ADAMTS6: variants seen among roughly 807,000 people sequenced by gnomAD.
ADAMTS6 encodes A disintegrin and metalloproteinase with thrombospondin motifs 6.
In ADAMTS6, 23 loss-of-function variants were observed where a neutral mutation model predicts 144.3. The ratio of observed to expected loss-of-function variants is 0.16; its 90% CI spans 0.11 to 0.23. The LOEUF (loss-of-function observed/expected upper bound fraction) is 0.23, where lower values mean the gene tolerates loss of function less well. Ranked by LOEUF, ADAMTS6 falls within the 10% of genes least tolerant of loss-of-function variation. ADAMTS6 has a pLI of 1.00. For synonymous variants in ADAMTS6, 444 were observed against 457.5 expected, an observed-to-expected ratio of 0.97 and a Z score of 0.38; for missense variants, 999 against 1,379.6, an observed-to-expected ratio of 0.72 and a Z score of 4.37.
At chr5:65,201,516 T>G (rs893651193) in intron 20 of ADAMTS6, among the ~76,000 whole-genome samples, 2 of 152,108 alleles carry the variant, frequency 1.3e-5, no homozygotes, top group African/African-American at 4.8e-5. Context: ...GAAGGATGGG[T>G]CGGGGGTGGT....
Position 65,164,459 on chromosome 5 carries a change from C to T in ADAMTS6, c.3244+6158G>A, listed in dbSNP as rs1240710764. Reference sequence around the variant, plus strand: ...GGCGGCAGCGAGGCTGGGGGAGGGGCGCCCGCCATTGCCCAGGCTTGCTTA... The same window carrying T: ...GGCGGCAGCGAGGCTGGGGGAGGGGTGCCCGCCATTGCCCAGGCTTGCTTA... On this transcript the variant is annotated intron_variant, in intron 24 of 24. Transcript: ENST00000381055. Among the ~76,000 whole-genome samples the T allele has an allele frequency of 1.4e-4, 20 of 140,828 alleles. 1 individual carries two copies. The East Asian group carries it at 1.4e-3, about 10-fold the overall frequency. The allele number at this position is 140,828 out of a possible 152,430, so 92.4% of individuals were successfully genotyped here.
intron 7 of ADAMTS6, among the ~76,000 whole-genome samples, chr5:65,437,259 T>A (rs1757509764): frequency 6.6e-6 from 1 of 151,962 alleles, no homozygotes; most frequent in Admixed American, 6.6e-5. Context: ...CACGCCCAGA[T>A]AATTTTTTGC....
chr5:65,180,041 T>C (rs1331813618), intron 22 of ADAMTS6, among the ~76,000 whole-genome samples: 1 of 152,106 alleles, frequency 6.6e-6, no homozygotes, highest in East Asian at 1.9e-4. Flanking sequence ...TGCTCTTCTT[T>C]ATCTGGAAAG....
At chr5:65,406,478 T>C (rs919403170) in intron 7 of ADAMTS6, among the ~76,000 whole-genome samples, 4 of 152,212 alleles carry the variant, frequency 2.6e-5, no homozygotes, top group African/African-American at 9.6e-5. Context: ...AAACAAGCCT[T>C]GCATCCCAGG....
At chr5:65,395,303 G>C (rs1051766116) in intron 7 of ADAMTS6, among the ~76,000 whole-genome samples, 2 of 152,078 alleles carry the variant, frequency 1.3e-5, no homozygotes, top group Non-Finnish European at 2.9e-5. Context: ...ACTATCCCAA[G>C]GACTAGTCTC....
chr5:65,309,345 G>A (rs1480959747), intron 9 of ADAMTS6, among the ~76,000 whole-genome samples: 2 of 151,726 alleles, frequency 1.3e-5, no homozygotes, highest in Non-Finnish European at 2.9e-5. Flanking sequence ...GAAAGAGTGG[G>A]CAATTAAGAA....
Position 65,436,219 on chromosome 5 carries a change from T to TAC in ADAMTS6, c.1073+15254_1073+15255dup, listed in dbSNP as rs547221276. Among the ~76,000 whole-genome samples, 537 of 150,918 alleles carry TAC rather than the reference T, an allele frequency of 3.6e-3. 15 individuals are homozygous for TAC. Among genetic ancestry groups the TAC allele is most frequent in the Admixed American group, 0.025 (375 of 15,122 alleles). ...CCTAAACAACATAGACCCCCATCTCTACACACACACACACGCATGCACACA... is the reference window on the plus strand; with the variant it reads ...CCTAAACAACATAGACCCCCATCTCTACACACACACACACACGCATGCACACA... On this transcript the variant is annotated intron_variant, in intron 7 of 24. Coordinates refer to ENST00000381055, the MANE Select transcript of ADAMTS6 (RefSeq NM_197941.4).
At chr5:65,285,093 C>T (rs994693353) in intron 11 of ADAMTS6, among the ~76,000 whole-genome samples, 1 of 152,064 alleles carries the variant, frequency 6.6e-6, no homozygotes, top group Non-Finnish European at 1.5e-5. Context: ...TTTATAAAAG[C>T]CTTTAATTTT....
At chr5:65,226,296 A>C in intron 15 of ADAMTS6, 77 bp from the exon 16 acceptor site, 1 of 1,458,286 alleles carries the variant, frequency 6.9e-7, no homozygotes, top group South Asian at 1.4e-5. Flanking sequence ...TCTATGGCAA[A>C]TTTATAATTC....
chr5:65,460,103 T>G lies in ADAMTS6; in HGVS notation c.631+67A>C, dbSNP rs956918365. The G allele has an allele frequency of 3.9e-6, 6 of 1,538,428 alleles. No individual in the cohort carries two copies. In the South Asian group the frequency reaches 6.4e-5, roughly 16 times the overall value. On this transcript the variant is annotated intron_variant, in intron 4 of 24. Coordinates refer to ENST00000381055, the MANE Select transcript of ADAMTS6 (RefSeq NM_197941.4). ...CCTTTTATTGCTAACCTTACTATACTTGCCAGAAGAAAGAAAAAGCAGCAA... is the reference window on the plus strand; with the variant it reads ...CCTTTTATTGCTAACCTTACTATACGTGCCAGAAGAAAGAAAAAGCAGCAA...
chr5:65,189,224 G>C (rs1023382920), intron 21 of ADAMTS6, among the ~76,000 whole-genome samples: 1 of 152,148 alleles, frequency 6.6e-6, no homozygotes, highest in African/African-American at 2.4e-5. Context: ...CAGGGGGTTT[G>C]TGGTTTGTTT....
At chr5:65,309,149 G>A (rs916708639) in intron 9 of ADAMTS6, among the ~76,000 whole-genome samples, 2 of 152,094 alleles carry the variant, frequency 1.3e-5, no homozygotes, top group African/African-American at 4.8e-5. Context: ...CAGGGTGATT[G>A]AAGCACATTG....
intron 14 of ADAMTS6, among the ~76,000 whole-genome samples, chr5:65,247,391 A>G (rs551651522): frequency 8.5e-5 from 13 of 152,328 alleles, no homozygotes; most frequent in Non-Finnish European, 1.8e-4. Context: ...GTTGCTACAG[A>G]AAGAAATCTA....
intron 9 of ADAMTS6, among the ~76,000 whole-genome samples, chr5:65,324,711 A>G (rs569150905): frequency 6.6e-6 from 1 of 152,234 alleles, no homozygotes; most frequent in Non-Finnish European, 1.5e-5. Flanking sequence ...CCAGTTTTTT[A>G]AAGTGGGAAA....
At chr5:65,290,779 A>C (rs1228063960) in intron 11 of ADAMTS6, among the ~76,000 whole-genome samples, 1 of 152,186 alleles carries the variant, frequency 6.6e-6, no homozygotes, top group Non-Finnish European at 1.5e-5. Flanking sequence ...AGACATGCAG[A>C]ATAAATTATG....
At chr5:65,373,631 A>G (rs1382590468) in intron 7 of ADAMTS6, among the ~76,000 whole-genome samples, 2 of 152,152 alleles carry the variant, frequency 1.3e-5, no homozygotes, top group African/African-American at 2.4e-5. Context: ...TTACCAACCA[A>G]AAAGAGTCCA....
intron 23 of ADAMTS6, among the ~76,000 whole-genome samples, chr5:65,171,187 T>G (rs1368750082): frequency 1.3e-5 from 2 of 152,066 alleles, no homozygotes; most frequent in Non-Finnish European, 2.9e-5. Flanking sequence ...TTTTTTGTAT[T>G]TTTAGTAGAG....
At chr5:65,452,635 C>G (rs1758844214) in intron 5 of ADAMTS6, 72 bp downstream of exon 5, 2 of 1,524,114 alleles carry the variant, frequency 1.3e-6, no homozygotes, top group Non-Finnish European at 1.8e-6. Flanking sequence ...TACTTCACAG[C>G]AAAAATTTAT....
At chr5:65,243,243 A>G (rs1325878868) in intron 14 of ADAMTS6, among the ~76,000 whole-genome samples, 1 of 152,148 alleles carries the variant, frequency 6.6e-6, no homozygotes, top group East Asian at 1.9e-4. Flanking sequence ...AGGCACACTC[A>G]GAGATTGTTT....
Sources: gnomAD v4.1 joint callset for allele counts (sites outside exome capture counted in the v4.1 genomes callset) on GRCh38, gnomAD v4.1.1 for gene constraint, MANE v1.5 for transcripts, NCBI Gene and HGNC (gene_info 2026-07-23, HGNC 2026-07-21) for gene names.